AKAIN1: variants seen among roughly 807,000 people sequenced by gnomAD.
AKAIN1 encodes A-kinase anchor inhibitor 1.
Under a neutral mutation model 3.7 loss-of-function variants are expected in AKAIN1, and 3 were observed. That is an observed-to-expected ratio of 0.82 (90% CI 0.37 to 2.12). The LOEUF is 2.12. Ranked by LOEUF, AKAIN1 falls within the 30% of genes most tolerant of loss-of-function variation. The pLI is 0.06. For missense variants in AKAIN1, 82 were observed against 82.7 expected (o/e 0.99, Z 0.03); for synonymous variants, 31 against 30.8 (o/e 1.01, Z -0.02).
At chr18:5,185,284 G>A (rs182122025) in intron 1 of AKAIN1, among the ~76,000 whole-genome samples, 1 of 152,222 alleles carries the variant, frequency 6.6e-6, no homozygotes, top group Admixed American at 6.5e-5. Context: ...CATAGGCCCT[G>A]GCAAAGATTT....
intron 1 of AKAIN1, chr18:5,159,359 G>A (rs1282307501): frequency 6.6e-6 from 1 of 152,106 alleles, no homozygotes; most frequent in Admixed American, 6.5e-5. Flanking sequence ...CAAATGTATT[G>A]AGCTTTTGGT....
chr18:5,194,984 C>G (rs1035436613), intron 1 of AKAIN1, among the ~76,000 whole-genome samples: 3 of 152,148 alleles, frequency 2.0e-5, no homozygotes, highest in Non-Finnish European at 4.4e-5. Context: ...AAAAGCAATT[C>G]ATTGTTCTGC....
At chr18:5,181,745 G>C (rs887404506) in intron 1 of AKAIN1, among the ~76,000 whole-genome samples, 2 of 152,114 alleles carry the variant, frequency 1.3e-5, no homozygotes, top group Non-Finnish European at 2.9e-5. Flanking sequence ...CTGCATGGTT[G>C]TTTCACCAAC....
intron 1 of AKAIN1, among the ~76,000 whole-genome samples, chr18:5,152,851 C>T (rs1214999872): frequency 6.6e-6 from 1 of 151,954 alleles, no homozygotes; most frequent in Non-Finnish European, 1.5e-5. Flanking sequence ...GGGAGACGGG[C>T]GATGGCGCTG....
intron 1 of AKAIN1, among the ~76,000 whole-genome samples, chr18:5,176,276 T>C (rs572835304): frequency 6.6e-6 from 1 of 152,128 alleles, no homozygotes; most frequent in Non-Finnish European, 1.5e-5. Context: ...CCATCTCTAC[T>C]AAAAATGTAA....
At chr18:5,163,153 C>A (rs978409622) in intron 1 of AKAIN1, among the ~76,000 whole-genome samples, 16 of 152,108 alleles carry the variant, frequency 1.1e-4, no homozygotes, top group African/African-American at 3.4e-4. Context: ...TATTTTACAG[C>A]CTATTTAATT....
At chr18:5,162,159 A>G (rs1193525099) in intron 1 of AKAIN1, among the ~76,000 whole-genome samples, 3 of 152,166 alleles carry the variant, frequency 2.0e-5, no homozygotes, top group Non-Finnish European at 2.9e-5. Context: ...TTGCATGGCC[A>G]CATTTTCTCA....
At chr18:5,156,250 A>C (rs115170881) in intron 1 of AKAIN1, among the ~76,000 whole-genome samples, 502 of 152,190 alleles carry the variant, frequency 3.3e-3, no homozygotes, top group African/African-American at 0.011. Context: ...ATCTTCAAAA[A>C]CAAACAAAAA....
intron 1 of AKAIN1, among the ~76,000 whole-genome samples, chr18:5,187,671 G>A (rs368593312): frequency 6.6e-6 from 1 of 152,224 alleles, no homozygotes; most frequent in African/African-American, 2.4e-5. Flanking sequence ...CTCTTAATGT[G>A]GTTGTTACAA....
At chr18:5,163,473 G>A (rs1039657716) in intron 1 of AKAIN1, among the ~76,000 whole-genome samples, 3 of 151,994 alleles carry the variant, frequency 2.0e-5, no homozygotes, top group African/African-American at 7.2e-5. Context: ...TTGTTAAAGG[G>A]AAATGGAACT....
chr18:5,197,187 C>T lies in AKAIN1; in HGVS notation c.-134G>A, dbSNP rs918078487. The stretch of plus-strand genomic sequence containing the variant: ...GGGCGGCGGGCGGGGCGGTCAGCAC[C>T]CCGGACAGCTCCCGCCGCTAGATCC... On this transcript the variant is annotated 5_prime_UTR_variant, in exon 1 of 2. Transcript: ENST00000434239. This position sits in a 1 kb window ranked among gnomAD's most constrained non-coding sequence, Gnocchi z 6.9. 73 of 1,469,236 alleles carry T rather than the reference C, an allele frequency of 5.0e-5. No individual in the cohort carries two copies. Among genetic ancestry groups the T allele is most frequent in the East Asian group, 1.1e-4 (4 of 36,826 alleles). The allele number at this position is 1,469,236 out of a possible 1,614,324, so 91.0% of individuals were successfully genotyped here.
chr18:5,196,286 G>C (rs2071347278), intron 1 of AKAIN1, among the ~76,000 whole-genome samples: 3 of 152,220 alleles, frequency 2.0e-5, no homozygotes, highest in Admixed American at 2.0e-4. Context: ...CCGCTTCCTC[G>C]ATTAGCCTGG....
At chr18:5,194,501 C>T (rs2071337619) in intron 1 of AKAIN1, among the ~76,000 whole-genome samples, 1 of 152,114 alleles carries the variant, frequency 6.6e-6, no homozygotes, top group African/African-American at 2.4e-5. Flanking sequence ...CATTCTAATT[C>T]CCCCTCATTC....
chr18:5,191,975 A>G (rs761128670), intron 1 of AKAIN1, among the ~76,000 whole-genome samples: 30 of 152,186 alleles, frequency 2.0e-4, no homozygotes, highest in South Asian at 6.2e-4. Context: ...GTAGCTTTCA[A>G]TGATATTTTA....
At chr18:5,162,380 T>C (rs2071144350) in intron 1 of AKAIN1, among the ~76,000 whole-genome samples, 1 of 152,014 alleles carries the variant, frequency 6.6e-6, no homozygotes, top group Non-Finnish European at 1.5e-5. Flanking sequence ...CATTTCAACT[T>C]CTATTCAGCA....
rs761679981 is a variant in AKAIN1, at chr18:5,192,441, C to CT, written c.16+4596dup. Among the ~76,000 whole-genome samples, 1,589 of 101,504 alleles carry CT rather than the reference C, an allele frequency of 0.016. 68 individuals carry two copies. In the East Asian group the frequency reaches 0.21, roughly 14 times the overall value. The allele number at this position is 101,504 out of a possible 152,430, so 66.6% of individuals were successfully genotyped here. On this transcript the variant is annotated intron_variant, in intron 1 of 1. Coordinates refer to ENST00000434239, the MANE Select transcript of AKAIN1 (RefSeq NM_001145194.2). Reference sequence around the variant, plus strand: ...TCTTTCTTTCTTTCTTTCTTTCTTTCTTTCTTTTTCTTTTCTTTGGTAGAG... The same window carrying CT: ...TCTTTCTTTCTTTCTTTCTTTCTTTCTTTTCTTTTTCTTTTCTTTGGTAGAG...
chr18:5,154,072 A>G (rs961968694), intron 1 of AKAIN1, among the ~76,000 whole-genome samples: 1 of 152,224 alleles, frequency 6.6e-6, no homozygotes, highest in Non-Finnish European at 1.5e-5. Context: ...ATCTCTATGA[A>G]AAATTAAAAA....
chr18:5,195,357 C>G (rs1025194327), intron 1 of AKAIN1, among the ~76,000 whole-genome samples: 2 of 152,202 alleles, frequency 1.3e-5, no homozygotes, highest in African/African-American at 2.4e-5. Flanking sequence ...CTGTTCATTA[C>G]AGTGGCCATC....
At chr18:5,161,364 ATC>A (rs946865165) in intron 1 of AKAIN1, among the ~76,000 whole-genome samples, 2 of 152,102 alleles carry the variant, frequency 1.3e-5, no homozygotes, top group Admixed American at 1.3e-4. Flanking sequence ...AATGAAATAA[ATC>A]TGTTATGTTA....
Sources: allele counts gnomAD v4.1 joint callset (sites outside exome capture counted in the v4.1 genomes callset), GRCh38; gene constraint gnomAD v4.1.1; non-coding constraint Gnocchi (gnomAD v3.1); transcripts MANE v1.5; gene names NCBI Gene and HGNC (gene_info 2026-07-23, HGNC 2026-07-21).